The following MAGI2 variants were observed in gnomAD, a reference collection of about 807,000 sequenced individuals.
MAGI2 encodes the protein membrane-associated guanylate kinase, WW and PDZ domain-containing protein 2.
In MAGI2, 35 loss-of-function variants were observed where a neutral mutation model predicts 133.3. That is an observed-to-expected ratio of 0.26 (90% CI 0.20 to 0.35). The LOEUF is 0.35. Among genes scored for constraint, MAGI2 ranks in the 10% least tolerant of loss-of-function variants. MAGI2 has a pLI of 1.00. For synonymous variants in MAGI2, 729 were observed against 710.6 expected (o/e 1.03, Z -0.41); for missense variants, 1,636 against 1,863.4 (o/e 0.88, Z 2.25).
chr7:78,193,222 A>T (rs1162256306), intron 12 of MAGI2, among the ~76,000 whole-genome samples: 1 of 152,196 alleles, frequency 6.6e-6, no homozygotes, highest in African/African-American at 2.4e-5. Flanking sequence ...ATTGGCTAGG[A>T]AATTGCAAAA....
chr7:78,316,901 C>A (rs1228764008), intron 9 of MAGI2, among the ~76,000 whole-genome samples: 1 of 152,236 alleles, frequency 6.6e-6, no homozygotes, highest in South Asian at 2.1e-4. Context: ...TTTCTCTTTA[C>A]TTACAAATTA....
chr7:79,088,049 T>A (rs754555825), intron 1 of MAGI2, among the ~76,000 whole-genome samples: 1 of 152,132 alleles, frequency 6.6e-6, no homozygotes, highest in Non-Finnish European at 1.5e-5. Context: ...GGTAGCTTGA[T>A]AGGGATAGCA....
At chr7:79,087,338 G>T (rs1348779105) in intron 1 of MAGI2, among the ~76,000 whole-genome samples, 1 of 151,832 alleles carries the variant, frequency 6.6e-6, no homozygotes, top group African/African-American at 2.4e-5. Flanking sequence ...GATGAGTTCT[G>T]ATTGTTCATC....
chr7:79,409,630 G>C (rs1238851023), intron 1 of MAGI2, among the ~76,000 whole-genome samples: 4 of 152,068 alleles, frequency 2.6e-5, no homozygotes, highest in African/African-American at 4.8e-5. Context: ...TTTTAACAAA[G>C]AGTTAAGCAA....
intron 4 of MAGI2, among the ~76,000 whole-genome samples, chr7:78,517,438 A>T (rs1190281128): frequency 2.0e-5 from 3 of 152,180 alleles, no homozygotes; most frequent in Non-Finnish European, 4.4e-5. Context: ...GAGTTCAGGT[A>T]TTACTAGATC....
At chr7:78,671,883 T>C (rs996973570) in intron 2 of MAGI2, among the ~76,000 whole-genome samples, 1 of 152,222 alleles carries the variant, frequency 6.6e-6, no homozygotes, top group Non-Finnish European at 1.5e-5. Flanking sequence ...TTAATCTCTA[T>C]ATTTCTATGT....
intron 3 of MAGI2, among the ~76,000 whole-genome samples, chr7:78,577,809 A>C (rs1802423665): frequency 6.6e-6 from 1 of 152,054 alleles, no homozygotes; most frequent in Non-Finnish European, 1.5e-5. Context: ...TTAAGGCAGA[A>C]ACTGGCGATC....
At chr7:78,156,251 T>C (rs1824373860) in intron 16 of MAGI2, among the ~76,000 whole-genome samples, 1 of 152,086 alleles carries the variant, frequency 6.6e-6, no homozygotes, top group Non-Finnish European at 1.5e-5. Flanking sequence ...TAGGCTGTAA[T>C]TTGGTGGGTA....
intron 2 of MAGI2, among the ~76,000 whole-genome samples, chr7:78,975,054 G>A (rs1804125057): frequency 6.6e-6 from 1 of 151,450 alleles, no homozygotes; most frequent in Non-Finnish European, 1.5e-5. Context: ...ATAAATGAAA[G>A]GAGAAACAGG....
At chr7:78,831,526 A>G (rs1791148845) in intron 2 of MAGI2, among the ~76,000 whole-genome samples, 1 of 152,084 alleles carries the variant, frequency 6.6e-6, no homozygotes, top group South Asian at 2.1e-4. Context: ...TGCTTGGATT[A>G]CAGGTGTAAG....
At chr7:78,907,891 TTAAC>T (rs761764586) in intron 2 of MAGI2, among the ~76,000 whole-genome samples, 4 of 152,134 alleles carry the variant, frequency 2.6e-5, no homozygotes, top group Non-Finnish European at 4.4e-5. Flanking sequence ...TAAAATATAT[TTAAC>T]TATTTAAAGC....
intron 10 of MAGI2, chr7:78,253,178 T>A (rs562173081): frequency 6.6e-6 from 1 of 152,134 alleles, no homozygotes; most frequent in Non-Finnish European, 1.5e-5. Flanking sequence ...CAAATGTCCA[T>A]ACACTAATGA....
At chr7:79,445,199 A>C (rs1848762689) in intron 1 of MAGI2, among the ~76,000 whole-genome samples, 1 of 152,236 alleles carries the variant, frequency 6.6e-6, no homozygotes, top group East Asian at 1.9e-4. Context: ...TTAGACCTAA[A>C]ACCATAAAAA....
chr7:78,339,269 T>C (rs990343805), intron 9 of MAGI2, among the ~76,000 whole-genome samples: 3 of 152,200 alleles, frequency 2.0e-5, no homozygotes, highest in African/African-American at 7.2e-5. Flanking sequence ...AGACGGTGAA[T>C]AGAATTAAAT....
At chr7:78,231,467 G>A (rs1192569923) in intron 10 of MAGI2, among the ~76,000 whole-genome samples, 2 of 152,152 alleles carry the variant, frequency 1.3e-5, no homozygotes, top group African/African-American at 2.4e-5. Flanking sequence ...CAGCTTCAAC[G>A]AAAAACAAAT....
chr7:78,912,811 T>TATCA lies in MAGI2; in HGVS notation c.418+94275_418+94278dup, dbSNP rs1554604210. On this transcript the variant is annotated intron_variant, in intron 2 of 21. Coordinates refer to ENST00000354212, the MANE Select transcript of MAGI2 (RefSeq NM_012301.4). ...TATATATATCATTCATATATATATA[T>TATCA]ATCATTCATATATATATATATATTC... 9.9e-5 allele frequency among the ~76,000 whole-genome samples: 14 copies of TATCA among 141,000 alleles called. No homozygotes were observed. The East Asian group carries it at 1.2e-3, about 12-fold the overall frequency. The allele number at this position is 141,000 out of a possible 152,430, so 92.5% of individuals were successfully genotyped here.
At chr7:79,120,866 A>C (rs2129544605) in intron 1 of MAGI2, among the ~76,000 whole-genome samples, 1 of 152,154 alleles carries the variant, frequency 6.6e-6, no homozygotes, top group East Asian at 1.9e-4. Flanking sequence ...TCTCCCATTT[A>C]TATATACTTC....
At chr7:78,904,766 G>A (rs1371302545) in intron 2 of MAGI2, among the ~76,000 whole-genome samples, 2 of 152,148 alleles carry the variant, frequency 1.3e-5, no homozygotes, top group Admixed American at 6.5e-5. Flanking sequence ...GCCTCCCAAA[G>A]TGCTGGGATT....
intron 2 of MAGI2, among the ~76,000 whole-genome samples, chr7:78,888,042 T>C (rs573520974): frequency 6.6e-6 from 1 of 152,322 alleles, no homozygotes; most frequent in South Asian, 2.1e-4. Flanking sequence ...AATACTGCAC[T>C]TTTCCAACGG....
Sources: gnomAD v4.1 joint callset for allele counts (sites outside exome capture counted in the v4.1 genomes callset) on GRCh38, gnomAD v4.1.1 for gene constraint, MANE v1.5 for transcripts, NCBI Gene and HGNC (gene_info 2026-07-23, HGNC 2026-07-21) for gene names.